The following SLC44A5 variants were observed in gnomAD, a reference collection of about 807,000 sequenced individuals.
The protein encoded by SLC44A5 is choline transporter-like protein 5.
A neutral mutation model predicts 101.8 loss-of-function variants in SLC44A5; 57 were observed. The observed-to-expected ratio is 0.56, with a 90% CI of 0.45 to 0.70. SLC44A5 has a LOEUF of 0.70. Among genes scored for constraint, SLC44A5 ranks in the 30% least tolerant of loss-of-function variants. SLC44A5 has a pLI of 0.00. For synonymous variants in SLC44A5, 281 were observed against 290.9 expected (o/e 0.97, Z 0.35); for missense variants, 737 against 853.1 (o/e 0.86, Z 1.70).
intron 2 of SLC44A5, among the ~76,000 whole-genome samples, chr1:75,437,401 T>C (rs2101615613): frequency 6.6e-6 from 1 of 152,254 alleles, no homozygotes; most frequent in East Asian, 1.9e-4. Flanking sequence ...TGAAATATCA[T>C]TATGCAGCAC....
At chr1:75,476,628 C>T (rs1458429622) in intron 2 of SLC44A5, among the ~76,000 whole-genome samples, 1 of 152,260 alleles carries the variant, frequency 6.6e-6, no homozygotes, top group Admixed American at 6.5e-5. Flanking sequence ...GGGTCCTACG[C>T]CCACGGAGTC....
At chr1:75,667,941 G>A in the SLC44A5 span, among the ~76,000 whole-genome samples, 1 of 152,204 alleles carries the variant, frequency 6.6e-6, no homozygotes. Flanking sequence ...CAAAGCAGAA[G>A]ATAGCAAGCA....
the SLC44A5 span, among the ~76,000 whole-genome samples, chr1:75,659,489 G>GC: frequency 1.1e-4 from 7 of 61,472 alleles, no homozygotes; most frequent in Admixed American, 7.5e-4. Flanking sequence ...AGGAAGGAAG[G>GC]AAGGCAGGCA....
chr1:75,417,022 G>A (rs1188124519), intron 2 of SLC44A5, among the ~76,000 whole-genome samples: 1 of 152,280 alleles, frequency 6.6e-6, no homozygotes, highest in African/African-American at 2.4e-5. Flanking sequence ...AGACCTTGGG[G>A]AACTGTTGGG....
chr1:75,645,940 G>T, the SLC44A5 span, among the ~76,000 whole-genome samples: 1 of 134,720 alleles, frequency 7.4e-6, no homozygotes, highest in African/African-American at 2.5e-5. Flanking sequence ...TCAGATAGTT[G>T]TAGATGTGTG....
the SLC44A5 span, among the ~76,000 whole-genome samples, chr1:75,703,403 C>G: frequency 7.2e-6 from 1 of 138,966 alleles, no homozygotes; most frequent in Non-Finnish European, 1.6e-5. Flanking sequence ...AGCAAAATAT[C>G]ACAAGGAGAA....
chr1:75,306,580 A>T (rs1428475707), intron 4 of SLC44A5, among the ~76,000 whole-genome samples: 3 of 152,066 alleles, frequency 2.0e-5, no homozygotes, highest in African/African-American at 7.2e-5. Flanking sequence ...AACCAATTAG[A>T]TTTAATTTAG....
At chr1:75,313,719 A>G (rs12127347) in intron 4 of SLC44A5, among the ~76,000 whole-genome samples, 28,359 of 152,132 alleles carry the variant, frequency 0.19, 2,723 homozygotes, top group Middle Eastern at 0.29. Context: ...AGCAAGACAA[A>G]ACCAAGATAG....
At chr1:75,296,825 T>G (rs1216024673) in intron 5 of SLC44A5, among the ~76,000 whole-genome samples, 1 of 152,188 alleles carries the variant, frequency 6.6e-6, no homozygotes, top group Non-Finnish European at 1.5e-5. Context: ...TTATCTATTG[T>G]TGCACTCCCA....
intron 3 of SLC44A5, among the ~76,000 whole-genome samples, chr1:75,385,410 T>C (rs1450680936): frequency 1.3e-5 from 2 of 151,920 alleles, no homozygotes; most frequent in Non-Finnish European, 2.9e-5. Context: ...CAAACTACCA[T>C]CAGAGAATAC....
chr1:75,652,309 A>G, the SLC44A5 span, among the ~76,000 whole-genome samples: 1 of 152,170 alleles, frequency 6.6e-6, no homozygotes, highest in African/African-American at 2.4e-5. Flanking sequence ...CAAGTTGCCT[A>G]CTTGGCCCTC....
the SLC44A5 span, among the ~76,000 whole-genome samples, chr1:75,616,130 T>A: frequency 6.6e-6 from 1 of 151,590 alleles, no homozygotes; most frequent in Non-Finnish European, 1.5e-5. Flanking sequence ...GTGGACGCGG[T>A]GGCTGCTGCG....
At chr1:75,635,713 C>T in the SLC44A5 span, among the ~76,000 whole-genome samples, 4 of 150,596 alleles carry the variant, frequency 2.7e-5, no homozygotes, top group East Asian at 2.0e-4. Context: ...TGCTAAATGA[C>T]GAGTTAATGG....
chr1:75,511,657 A>T (rs1271624674), intron 2 of SLC44A5, among the ~76,000 whole-genome samples: 1 of 152,210 alleles, frequency 6.6e-6, no homozygotes, highest in East Asian at 1.9e-4. Context: ...AGTCACTCTT[A>T]AAAGATGGGA....
chr1:75,444,787 A>G lies in SLC44A5; in HGVS notation c.14-48166T>C, dbSNP rs144862096. 2.9e-3 allele frequency among the ~76,000 whole-genome samples: 434 copies of G among 152,188 alleles called. 5 individuals are homozygous for G. The highest frequency in any genetic ancestry group is 5.8e-3 in the Admixed American group (88 of 15,294). Reference sequence around the variant, plus strand: ...AGAGGCAGTCCACTTGTTTTAGCAGATGGGAAGGCAGATTAGACACAGATG... The same window carrying G: ...AGAGGCAGTCCACTTGTTTTAGCAGGTGGGAAGGCAGATTAGACACAGATG... On this transcript the variant is annotated intron_variant, in intron 2 of 23. Transcript: ENST00000370859.
chr1:75,519,557 CA>C (rs1018310969), intron 2 of SLC44A5, among the ~76,000 whole-genome samples: 79 of 138,628 alleles, frequency 5.7e-4, no homozygotes, highest in South Asian at 1.4e-3. Context: ...GACTCCGTCT[CA>C]AAAAAAAAAA....
chr1:75,332,530 T>C (rs1015488800), intron 4 of SLC44A5, among the ~76,000 whole-genome samples: 1 of 152,140 alleles, frequency 6.6e-6, no homozygotes, highest in African/African-American at 2.4e-5. Flanking sequence ...GGTGTCACAA[T>C]ACTGAAAATA....
chr1:75,552,862 T>C (rs1672014282), intron 1 of SLC44A5, among the ~76,000 whole-genome samples: 1 of 151,152 alleles, frequency 6.6e-6, no homozygotes, highest in Non-Finnish European at 1.5e-5. Context: ...TTCACATTTG[T>C]GGCTACAAAA....
chr1:75,283,496 T>C (rs548012979), intron 5 of SLC44A5, among the ~76,000 whole-genome samples: 1 of 152,316 alleles, frequency 6.6e-6, no homozygotes, highest in East Asian at 1.9e-4. Flanking sequence ...AGAAGCTTTT[T>C]AGTTAAGTCC....
Sources: gnomAD v4.1 joint callset for allele counts (sites outside exome capture counted in the v4.1 genomes callset) on GRCh38, gnomAD v4.1.1 for gene constraint, MANE v1.5 for transcripts, NCBI Gene and HGNC (gene_info 2026-07-23, HGNC 2026-07-21) for gene names.